The following TRIM37 variants were observed in gnomAD, a reference collection of about 807,000 sequenced individuals.
The protein encoded by TRIM37 is E3 ubiquitin-protein ligase TRIM37.
A neutral mutation model predicts 129.8 loss-of-function variants in TRIM37; 80 were observed. The observed-to-expected ratio is 0.62, with a 90% CI of 0.51 to 0.74. The LOEUF is 0.74. TRIM37 is among the 30% of genes least tolerant of loss of function. The pLI is 0.00. For missense variants in TRIM37, 1,054 were observed against 1,176.5 expected, an observed-to-expected ratio of 0.90 and a Z score of 1.52; for synonymous variants, 389 against 387.1, an observed-to-expected ratio of 1.00 and a Z score of -0.06.
intron 16 of TRIM37, among the ~76,000 whole-genome samples, chr17:59,046,007 C>A (rs376023093): frequency 7.5e-4 from 113 of 151,404 alleles, no homozygotes; most frequent in African/African-American, 2.7e-3. Context: ...CAGAGCAAGA[C>A]TCCATCTCAA....
At chr17:58,979,252 A>AT, downstream of TRIM37, among the ~76,000 whole-genome samples, 1 of 152,204 alleles carries the variant, frequency 6.6e-6, no homozygotes, top group Non-Finnish European at 1.5e-5. Context: ...TATAAGAGAA[A>AT]AATGGCCATA....
Position 59,012,336 on chromosome 17 carries a change from G to C in TRIM37, c.2687C>G (p.Pro896Arg). The C allele has an allele frequency of 6.2e-7, 1 of 1,604,084 alleles. No homozygotes were observed. Among genetic ancestry groups the C allele is most frequent in the South Asian group, 1.1e-5 (1 of 90,926 alleles). The change falls in exon 22 of 24, where the codon CCT becomes CGT. Residue 896 changes from proline to arginine, a missense_variant. This residue lies in a region of TRIM37 where 287 missense variants were observed against 274.3 expected (regional missense o/e 1.05). Transcript: ENST00000262294. ...PVLPEGASAAPEEGMSSDSDI... is the reference protein window; with the variant it reads ...PVLPEGASAAREEGMSSDSDI... ...AGTTTATCATTCCTTACCTTCTTCA[G>C]GGGCAGCTGAAGCTCCTTCAGGTAG... is the stretch of plus-strand genomic sequence containing the variant.
Position 58,983,016 on chromosome 17 carries a change from T to C in TRIM37, c.2892-95A>G, listed in dbSNP as rs1482488072. Reference sequence around the variant, plus strand: ...AAAAAAAAAAGCTTTTTAAAATTTCTATTGTTGTCTATTGGTAATGTTTTT... The same window carrying C: ...AAAAAAAAAAGCTTTTTAAAATTTCCATTGTTGTCTATTGGTAATGTTTTT... On this transcript the variant is annotated intron_variant, in intron 24 of 24. Coordinates refer to the TRIM37 transcript ENST00000393066. 3.1e-5 allele frequency: 34 copies of C among 1,093,636 alleles called. No homozygotes were observed. The Admixed American group carries it at 5.5e-4, about 18-fold the overall frequency. The allele number at this position is 1,093,636 out of a possible 1,614,324, so 67.7% of individuals were successfully genotyped here. A position where few individuals can be genotyped will look rare whatever the true frequency, so the allele number is the denominator to read the frequency against.
chr17:59,037,557 CAAAAAAAAAAAAA>C (rs58856834), intron 17 of TRIM37, among the ~76,000 whole-genome samples: 260 of 74,012 alleles, frequency 3.5e-3, no homozygotes, highest in African/African-American at 0.01. Flanking sequence ...GACTCTGTCT[CAAAAAAAAAAAAA>C]AAAAAAAAAA....
At chr17:59,017,597 T>C (rs1460360621) in intron 19 of TRIM37, among the ~76,000 whole-genome samples, 173 bp from the exon 20 acceptor site, 2 of 152,090 alleles carry the variant, frequency 1.3e-5, no homozygotes, top group Admixed American at 6.6e-5. Flanking sequence ...CATAAAACAT[T>C]CCCATCTTGT....
intron 6 of TRIM37, 36 bp from the exon 7 acceptor site, chr17:59,079,913 G>C: frequency 6.2e-7 from 1 of 1,605,870 alleles, no homozygotes; most frequent in Non-Finnish European, 8.5e-7. Flanking sequence ...TTTTAATTGG[G>C]TAAATTTTAA....
chr17:59,096,130 A>T (rs2044833270), intron 2 of TRIM37, among the ~76,000 whole-genome samples: 1 of 152,164 alleles, frequency 6.6e-6, no homozygotes, highest in South Asian at 2.1e-4. Context: ...CATTTCCAAA[A>T]ACCTGTAAGA....
the TRIM37 span, chr17:58,972,031 T>C: frequency 6.2e-6 from 7 of 1,126,066 alleles, no homozygotes; most frequent in African/African-American, 1.1e-4. Flanking sequence ...TTATTAATAG[T>C]ATAGCTCCCA....
intron 21 of TRIM37, among the ~76,000 whole-genome samples, chr17:59,014,240 C>A (rs945480756): frequency 2.0e-5 from 3 of 152,166 alleles, no homozygotes; most frequent in African/African-American, 7.2e-5. Context: ...CAGACCTTGA[C>A]TATATAAAAT....
Position 59,045,430 on chromosome 17 carries a change from G to T in TRIM37, c.1667+2253C>A, listed in dbSNP as rs145174008. Among the ~76,000 whole-genome samples, 47 of 151,836 alleles carry T rather than the reference G, an allele frequency of 3.1e-4. No individual in the cohort carries two copies. In the South Asian group the frequency reaches 4.2e-3, roughly 13 times the overall value. On this transcript the variant is annotated intron_variant, in intron 16 of 23. Coordinates refer to ENST00000262294, the MANE Select transcript of TRIM37 (RefSeq NM_015294.6). ...CAAGACGGGTGGATCACGAGGTCAG[G>T]TGTTTGAGACCAGCCTGGCCAACGC... is the stretch of plus-strand genomic sequence containing the variant.
At chr17:59,028,906 C>A (rs566646063) in intron 18 of TRIM37, among the ~76,000 whole-genome samples, 183 bp from the exon 19 acceptor site, 27 of 152,250 alleles carry the variant, frequency 1.8e-4, no homozygotes, top group South Asian at 1.0e-3. Flanking sequence ...CTTATTCACA[C>A]CTTCAGAGTT....
the TRIM37 span, among the ~76,000 whole-genome samples, chr17:58,975,965 G>A: frequency 1.3e-5 from 2 of 152,200 alleles, no homozygotes; most frequent in Non-Finnish European, 2.9e-5. Flanking sequence ...TCTGGCACTG[G>A]AAATAGGCAG....
chr17:59,029,665 G>A (rs1298133555), intron 18 of TRIM37, among the ~76,000 whole-genome samples: 2 of 152,178 alleles, frequency 1.3e-5, no homozygotes, highest in Non-Finnish European at 2.9e-5. Flanking sequence ...TTGGGAGGCC[G>A]AGGCAGGTGG....
At chr17:59,042,394 G>A (rs2039275156) in intron 16 of TRIM37, among the ~76,000 whole-genome samples, 1 of 108,388 alleles carries the variant, frequency 9.2e-6, no homozygotes, top group South Asian at 2.9e-4. Context: ...AAAAAAATCA[G>A]CCAGTTCTTC....
intron 16 of TRIM37, among the ~76,000 whole-genome samples, chr17:59,046,897 G>T (rs2039869357): frequency 6.7e-6 from 1 of 148,564 alleles, no homozygotes; most frequent in Non-Finnish European, 1.5e-5. Context: ...GCTCACGCCT[G>T]TAATCCCAAC....
At chr17:59,090,274 A>T (rs1413817144) in intron 3 of TRIM37, among the ~76,000 whole-genome samples, 1 of 152,204 alleles carries the variant, frequency 6.6e-6, no homozygotes, top group Non-Finnish European at 1.5e-5. Context: ...AAAATGACTT[A>T]TGTATACATA....
chr17:59,031,905 G>A lies in TRIM37; in HGVS notation c.1939C>T (p.Gln647Ter). 1 of 1,613,954 alleles carries A rather than the reference G, an allele frequency of 6.2e-7. No homozygotes were observed. Among genetic ancestry groups the A allele is most frequent in the South Asian group, 1.1e-5 (1 of 91,052 alleles). Reference protein sequence around the residue: ...LQPRPPASLLQPTASYSRKDK... With the variant: ...LQPRPPASLL ...ATTGTTATTATTTTACCTGTGGGCTGCAGAAGTGAAGCAGGTGGGCGAGGC... is the reference window on the plus strand; with the variant it reads ...ATTGTTATTATTTTACCTGTGGGCTACAGAAGTGAAGCAGGTGGGCGAGGC... The change falls in exon 18 of 24, where the codon CAG (glutamine) becomes TAG (stop). Residue 647 changes from glutamine (Q) to a stop codon, truncating the protein, a stop_gained. Transcript: ENST00000262294. LOFTEE classifies it high-confidence loss of function.
chr17:59,011,086 T>C (rs1421900806), intron 22 of TRIM37, among the ~76,000 whole-genome samples: 3 of 151,788 alleles, frequency 2.0e-5, no homozygotes, highest in Non-Finnish European at 4.4e-5. Context: ...GGAGAATCGC[T>C]TGAACCCGGG....
At chr17:59,030,119 T>C (rs2037678757) in intron 18 of TRIM37, among the ~76,000 whole-genome samples, 1 of 152,238 alleles carries the variant, frequency 6.6e-6, no homozygotes. Flanking sequence ...CAGTTCATTT[T>C]TTTTTTTCAT....
Sources: allele counts gnomAD v4.1 joint callset (sites outside exome capture counted in the v4.1 genomes callset), GRCh38; gene constraint gnomAD v4.1.1; regional missense constraint gnomAD v4.1.1; transcripts MANE v1.5; gene names NCBI Gene and HGNC (gene_info 2026-07-23, HGNC 2026-07-21).